Variants in SEMA6D observed in about 807,000 individuals in gnomAD.
The protein encoded by SEMA6D is semaphorin-6D.
A neutral mutation model predicts 106.6 loss-of-function variants in SEMA6D; 35 were observed. That is an observed-to-expected ratio of 0.33 (90% confidence interval 0.25 to 0.44). SEMA6D has a LOEUF of 0.44. SEMA6D is among the 20% of genes least tolerant of loss of function. The pLI, the probability that SEMA6D is intolerant of heterozygous loss-of-function variation, is 1.00. For missense variants in SEMA6D, 1,185 were observed against 1,345.9 expected, an observed-to-expected ratio of 0.88 and a Z score of 1.87; for synonymous variants, 499 against 487.7, an observed-to-expected ratio of 1.02 and a Z score of -0.31.
At chr15:47,271,820 T>C (rs2034574814) in intron 1 of SEMA6D, among the ~76,000 whole-genome samples, 1 of 152,110 alleles carries the variant, frequency 6.6e-6, no homozygotes, top group Admixed American at 6.6e-5. Context: ...AAGAGGTCAG[T>C]GGAGGAAAAT....
At chr15:47,693,598 T>C (rs921820397) in intron 4 of SEMA6D, among the ~76,000 whole-genome samples, 4 of 152,104 alleles carry the variant, frequency 2.6e-5, no homozygotes, top group Non-Finnish European at 5.9e-5. Flanking sequence ...CTGGAAAGTT[T>C]TGAAAAATTT....
At chr15:47,455,873 T>A (rs1179830084) in intron 2 of SEMA6D, among the ~76,000 whole-genome samples, 1 of 151,998 alleles carries the variant, frequency 6.6e-6, no homozygotes, top group Non-Finnish European at 1.5e-5. Flanking sequence ...CATGTAGTCA[T>A]GAGTTTTCAT....
chr15:47,387,454 G>A (rs1342244269), intron 1 of SEMA6D, among the ~76,000 whole-genome samples: 10 of 152,252 alleles, frequency 6.6e-5, no homozygotes, highest in African/African-American at 2.4e-4. Flanking sequence ...AACTTTTTGA[G>A]TCCCAACATG....
At chr15:47,690,607 T>G (rs2145750630) in intron 4 of SEMA6D, among the ~76,000 whole-genome samples, 1 of 152,298 alleles carries the variant, frequency 6.6e-6, no homozygotes, top group Middle Eastern at 3.4e-3. Flanking sequence ...AACAAAGCAT[T>G]ACCACCTTGT....
chr15:47,227,357 ATG>A (rs1019971352), intron 1 of SEMA6D, among the ~76,000 whole-genome samples: 5 of 150,554 alleles, frequency 3.3e-5, no homozygotes, highest in African/African-American at 1.2e-4. Context: ...CTGATTTGTG[ATG>A]TGTCTCTTCC....
chr15:47,515,047 G>T (rs192368446), intron 3 of SEMA6D, among the ~76,000 whole-genome samples: 1 of 152,002 alleles, frequency 6.6e-6, no homozygotes, highest in Admixed American at 6.6e-5. Context: ...CCTTGCATTC[G>T]CCTGGCAGCG....
chr15:47,747,272 T>A (rs1450511299), intron 1 of SEMA6D, among the ~76,000 whole-genome samples: 3 of 152,120 alleles, frequency 2.0e-5, no homozygotes, highest in African/African-American at 7.2e-5. Flanking sequence ...AGAATTATGG[T>A]CCCCAGAGCA....
chr15:47,326,848 C>T (rs1466729194), intron 1 of SEMA6D, among the ~76,000 whole-genome samples: 1 of 152,170 alleles, frequency 6.6e-6, no homozygotes, highest in Non-Finnish European at 1.5e-5. Flanking sequence ...CCTGGTTACT[C>T]ACATGACTAC....
At chr15:47,448,919 C>T (rs2042105608) in intron 2 of SEMA6D, among the ~76,000 whole-genome samples, 1 of 152,096 alleles carries the variant, frequency 6.6e-6, no homozygotes. Context: ...GTGCTATGTT[C>T]ATCCAGAATC....
At chr15:47,257,580 T>C (rs1348092502) in intron 1 of SEMA6D, among the ~76,000 whole-genome samples, 1 of 152,240 alleles carries the variant, frequency 6.6e-6, no homozygotes, top group Non-Finnish European at 1.5e-5. Context: ...TTTAGAGGTT[T>C]TCCTGTTGTC....
chr15:47,600,257 A>G (rs1244610466), intron 3 of SEMA6D, among the ~76,000 whole-genome samples: 1 of 152,102 alleles, frequency 6.6e-6, no homozygotes, highest in Admixed American at 6.6e-5. Context: ...TCTTTGCCTT[A>G]TATTATAGAA....
intron 2 of SEMA6D, among the ~76,000 whole-genome samples, chr15:47,464,997 A>T (rs2042617006): frequency 6.6e-6 from 1 of 152,140 alleles, no homozygotes; most frequent in African/African-American, 2.4e-5. Flanking sequence ...AATTAAAGTG[A>T]GCCTCAAGCT....
At chr15:47,656,847 A>G (rs2077806903) in intron 4 of SEMA6D, among the ~76,000 whole-genome samples, 2 of 152,228 alleles carry the variant, frequency 1.3e-5, no homozygotes, top group South Asian at 2.1e-4. Flanking sequence ...GGTGATCAGC[A>G]TGGTGGCATC....
intron 3 of SEMA6D, among the ~76,000 whole-genome samples, chr15:47,599,766 C>T (rs2076609359): frequency 6.6e-6 from 1 of 152,058 alleles, no homozygotes; most frequent in African/African-American, 2.4e-5. Context: ...ATACAAAGCT[C>T]TGTTTCTGCC....
At chr15:47,706,623 T>G (rs1567002661) in intron 4 of SEMA6D, among the ~76,000 whole-genome samples, 1 of 152,228 alleles carries the variant, frequency 6.6e-6, no homozygotes, top group Non-Finnish European at 1.5e-5. Flanking sequence ...AAAGACTGTA[T>G]CTTTTTCTTG....
intron 1 of SEMA6D, among the ~76,000 whole-genome samples, chr15:47,310,710 A>G (rs1330775936): frequency 1.3e-5 from 2 of 152,164 alleles, no homozygotes; most frequent in East Asian, 1.9e-4. Context: ...AGTATTTTCT[A>G]TATATTATCT....
chr15:47,270,634 A>C (rs528883961), intron 1 of SEMA6D, among the ~76,000 whole-genome samples: 3 of 152,206 alleles, frequency 2.0e-5, no homozygotes, highest in Admixed American at 6.5e-5. Flanking sequence ...GTCTTTTACT[A>C]TATTTGCTTT....
intron 1 of SEMA6D, among the ~76,000 whole-genome samples, chr15:47,281,620 G>A (rs1363045603): frequency 6.6e-6 from 1 of 152,072 alleles, no homozygotes; most frequent in African/African-American, 2.4e-5. Context: ...TTTCTTCCTA[G>A]TCTCAATGGT....
At chr15:47,459,868 A>G (rs1010314476) in intron 2 of SEMA6D, among the ~76,000 whole-genome samples, 2 of 152,026 alleles carry the variant, frequency 1.3e-5, no homozygotes, top group African/African-American at 4.8e-5. Context: ...TGTTTAAAAT[A>G]TACTGTATTT....
Sources: gnomAD v4.1 joint callset for allele counts (sites outside exome capture counted in the v4.1 genomes callset) on GRCh38, gnomAD v4.1.1 for gene constraint, MANE v1.5 for transcripts, NCBI Gene and HGNC (gene_info 2026-07-23, HGNC 2026-07-21) for gene names.